The following ARHGAP21 variants were observed in gnomAD, a reference collection of about 807,000 sequenced individuals.
ARHGAP21 encodes the protein Rho GTPase activating protein 21.
A neutral mutation model predicts 164.6 loss-of-function variants in ARHGAP21; 38 were observed. That is an observed-to-expected ratio of 0.23 (90% CI 0.18 to 0.30). ARHGAP21 has a LOEUF of 0.30. Ranked by LOEUF, ARHGAP21 falls within the 10% of genes least tolerant of loss-of-function variation. The probability of loss-of-function intolerance (pLI) is 1.00; values close to 1 mark genes in which losing one functional copy is unlikely to be tolerated. For synonymous variants in ARHGAP21, 766 were observed against 857.9 expected (o/e 0.89, Z 1.87); for missense variants, 1,822 against 2,370.7 (o/e 0.77, Z 4.81).
chr10:24,671,615 G>A (rs897624746), intron 2 of ARHGAP21, among the ~76,000 whole-genome samples: 6 of 151,990 alleles, frequency 3.9e-5, no homozygotes, highest in African/African-American at 1.5e-4. Flanking sequence ...CAAAGATACA[G>A]GTCCAACAAT....
chr10:24,590,934 G>A (rs1388406927), intron 24 of ARHGAP21: 1 of 718,606 alleles, frequency 1.4e-6, no homozygotes, highest in African/African-American at 2.1e-5. Context: ...CATGGAAACT[G>A]TGAATTAAAA....
chr10:24,639,318 T>C (rs1196172601), intron 4 of ARHGAP21, among the ~76,000 whole-genome samples: 37 of 152,166 alleles, frequency 2.4e-4, no homozygotes, highest in Non-Finnish European at 3.5e-4. Context: ...GATGAATGAT[T>C]TGTATGTGCC....
rs757997943 is a variant in ARHGAP21 at position 24,597,555 on chromosome 10, G to A, written c.3226C>T (p.Arg1076Cys). Residue 1076 changes from arginine (R) to cysteine (C), a missense_variant, in exon 16 of 26, where the codon CGC (arginine) becomes TGC (cysteine). Around this residue, in one of 5 missense-constraint regions of ARHGAP21, gnomAD observed 1,090 missense variants for 1,378.9 expected, o/e 0.79. Transcript: ENST00000396432. The part of the protein sequence containing the change: ...SKAEQLPKTP[R>C]QSLSIRQTLL... ...GTTTGCCTGATGCTGAGACTCTGGCGAGGTGTTTTTGGCAACTGTTCTGCT... is the reference window on the plus strand; with the variant it reads ...GTTTGCCTGATGCTGAGACTCTGGCAAGGTGTTTTTGGCAACTGTTCTGCT... 1.5e-5 allele frequency: 24 copies of A among 1,613,932 alleles called. No homozygotes were observed. Among genetic ancestry groups the A allele is most frequent in the African/African-American group, 4.0e-5 (3 of 74,914 alleles).
chr10:24,667,494 T>A (rs1039019947), intron 3 of ARHGAP21, among the ~76,000 whole-genome samples: 1 of 152,264 alleles, frequency 6.6e-6, no homozygotes, highest in South Asian at 2.1e-4. Context: ...GCTACATATT[T>A]AAGTTCTTGT....
intron 2 of ARHGAP21, among the ~76,000 whole-genome samples, chr10:24,693,065 A>T (rs1842878702): frequency 6.6e-6 from 1 of 152,114 alleles, no homozygotes; most frequent in Non-Finnish European, 1.5e-5. Context: ...AAGTCTGGAG[A>T]GGGATGATCT....
Position 24,611,024 on chromosome 10 carries a change from T to C in ARHGAP21, c.2423-3121A>G, listed in dbSNP as rs191556432. ...ACTGACAAGTATTTTCACTTTAAGA[T>C]GTTCTCATCCTATTTGTTCCTCTTC... On this transcript the variant is annotated intron_variant, in intron 9 of 25. Transcript: ENST00000396432. Among the ~76,000 whole-genome samples the C allele has an allele frequency of 1.4e-3, 211 of 152,362 alleles. 4 individuals are homozygous for C. Among genetic ancestry groups the C allele is most frequent in the Middle Eastern group, 3.4e-3 (1 of 294 alleles).
chr10:24,711,311 G>A (rs1425658681), intron 2 of ARHGAP21, among the ~76,000 whole-genome samples: 1 of 151,414 alleles, frequency 6.6e-6, no homozygotes, highest in African/African-American at 2.4e-5. Flanking sequence ...TCAGGCATTT[G>A]ATTTTCAAAA....
At chr10:24,714,730 T>G (rs917704829) in intron 2 of ARHGAP21, among the ~76,000 whole-genome samples, 3 of 152,148 alleles carry the variant, frequency 2.0e-5, no homozygotes, top group African/African-American at 4.8e-5. Context: ...ATGAAGAAAC[T>G]TGCTTTTTAA....
intron 2 of ARHGAP21, among the ~76,000 whole-genome samples, chr10:24,692,486 TTTGGAAACAGTAACAGCCAAAAG>T (rs1204843756): frequency 6.6e-6 from 1 of 152,214 alleles, no homozygotes; most frequent in African/African-American, 2.4e-5. Context: ...AGCTCTATAT[TTTGGAAACAGTAACAGCCAAAAG>T]TTGGAAACAA....
At chr10:24,600,185 T>C (rs1448001039) in intron 14 of ARHGAP21, among the ~76,000 whole-genome samples, 2 of 151,112 alleles carry the variant, frequency 1.3e-5, no homozygotes, top group Non-Finnish European at 2.9e-5. Context: ...CAAGTTTTCT[T>C]AGAAACTAAC....
intron 23 of ARHGAP21, 116 bp downstream of exon 23, chr10:24,591,526 T>G: frequency 4.4e-6 from 6 of 1,363,162 alleles, no homozygotes; most frequent in Non-Finnish European, 6.2e-6. Flanking sequence ...GCTAGAGACC[T>G]GCTTCCGGGG....
intron 4 of ARHGAP21, among the ~76,000 whole-genome samples, chr10:24,656,242 G>A (rs1350618948): frequency 7.1e-5 from 9 of 126,852 alleles, no homozygotes; most frequent in Admixed American, 1.5e-4. Context: ...CCGGCCAGCC[G>A]CCCCGTCCGG....
At chr10:24,604,921 A>C (rs1262197247) in intron 11 of ARHGAP21, among the ~76,000 whole-genome samples, 1 of 152,206 alleles carries the variant, frequency 6.6e-6, no homozygotes, top group Non-Finnish European at 1.5e-5. Flanking sequence ...TTCAGGAGAC[A>C]GGTTCATGTT....
intron 2 of ARHGAP21, among the ~76,000 whole-genome samples, chr10:24,702,061 A>C (rs1161969619): frequency 6.6e-6 from 1 of 152,014 alleles, no homozygotes; most frequent in Non-Finnish European, 1.5e-5. Flanking sequence ...CCCTATTTCT[A>C]AACACTGATT....
rs1374702183 is a variant in ARHGAP21, at chr10:24,595,204, C to A, written c.3713-14G>T. ...CAGCATATTTATCTGACGACAAGAA[C>A]AATAAAACAAATTTATCTTAAATTG... On this transcript the variant is annotated splice_polypyrimidine_tract_variant and intron_variant, in intron 19 of 25. Transcript: ENST00000396432. The A allele has an allele frequency of 6.3e-7, 1 of 1,599,086 alleles. No homozygotes were observed. The highest frequency in any genetic ancestry group is 1.3e-5 in the African/African-American group (1 of 74,368).
intron 19 of ARHGAP21, 109 bp downstream of exon 19, chr10:24,595,608 C>A (rs1323079438): frequency 1.4e-5 from 15 of 1,109,830 alleles, no homozygotes; most frequent in Non-Finnish European, 1.7e-5. Context: ...ATAAAGCCTC[C>A]TGCTTCCTTT....
At chr10:24,642,282 G>A (rs891810105) in intron 4 of ARHGAP21, among the ~76,000 whole-genome samples, 8 of 151,888 alleles carry the variant, frequency 5.3e-5, no homozygotes, top group African/African-American at 1.5e-4. Flanking sequence ...TTGGGAGGCC[G>A]AGGCGGGCGG....
chr10:24,588,507 T>C (rs553651323), intron 25 of ARHGAP21, among the ~76,000 whole-genome samples: 16 of 152,096 alleles, frequency 1.1e-4, no homozygotes, highest in African/African-American at 3.9e-4. Flanking sequence ...TAAAGCATTT[T>C]TGTAAGAATT....
At position 24,590,983 on chromosome 10, in the gene ARHGAP21, C is replaced by T. The variant is rs533153871; in HGVS notation, c.4150+242G>A. The T allele has an allele frequency of 2.5e-5, 22 of 879,850 alleles. No homozygotes were observed. In the South Asian group the frequency reaches 8.9e-4, roughly 36 times the overall value. The allele number at this position is 879,850 out of a possible 1,614,324, so 54.5% of individuals were successfully genotyped here. ...AAAGAACAAAACAGTGGTTTGCATG[C>T]TCATTTCCCTCATAGTTCCATTCTG... On this transcript the variant is annotated intron_variant, in intron 24 of 25. Transcript: ENST00000396432.
Sources: gnomAD v4.1 joint callset for allele counts (sites outside exome capture counted in the v4.1 genomes callset) on GRCh38, gnomAD v4.1.1 for gene constraint, gnomAD v4.1.1 regional missense constraint, MANE v1.5 for transcripts, NCBI Gene and HGNC (gene_info 2026-07-23, HGNC 2026-07-21) for gene names.